Variants in SNTG1 observed in about 807,000 individuals in gnomAD.
SNTG1 encodes the protein gamma-1-syntrophin.
SNTG1 carries 39 observed loss-of-function variants against 74.7 expected under a neutral mutation model. The ratio of observed to expected loss-of-function variants is 0.52; its 90% CI spans 0.40 to 0.68. SNTG1 has a LOEUF of 0.68. Among genes scored for constraint, SNTG1 ranks in the 30% least tolerant of loss-of-function variants. The pLI, the probability that SNTG1 is intolerant of heterozygous loss-of-function variation, is 0.00. For missense variants in SNTG1, 685 were observed against 609.5 expected (o/e 1.12, Z -1.30); for synonymous variants, 254 against 217.1 (o/e 1.17, Z -1.49).
At chr8:50,171,584 A>G (rs968998693) in intron 1 of SNTG1, among the ~76,000 whole-genome samples, 12 of 152,164 alleles carry the variant, frequency 7.9e-5, no homozygotes, top group African/African-American at 2.4e-4. Context: ...AGACACACCC[A>G]GGTTCAATAC....
intron 1 of SNTG1, among the ~76,000 whole-genome samples, chr8:49,983,691 G>T (rs1321339882): frequency 6.6e-6 from 1 of 152,160 alleles, no homozygotes; most frequent in East Asian, 1.9e-4. Flanking sequence ...ACCAACAGAG[G>T]CCCCCAGAGA....
At chr8:50,330,693 T>C (rs952145061) in intron 2 of SNTG1, among the ~76,000 whole-genome samples, 1 of 152,136 alleles carries the variant, frequency 6.6e-6, no homozygotes, top group Non-Finnish European at 1.5e-5. Context: ...TGACTCACAG[T>C]TCCACATGGC....
chr8:50,757,805 T>A (rs2095584190), intron 18 of SNTG1, among the ~76,000 whole-genome samples: 2 of 151,944 alleles, frequency 1.3e-5, no homozygotes, highest in African/African-American at 4.8e-5. Context: ...CTTAACATAA[T>A]TCTATTCTCT....
chr8:50,363,864 G>T (rs573284278), intron 2 of SNTG1, among the ~76,000 whole-genome samples: 62 of 152,158 alleles, frequency 4.1e-4, no homozygotes, highest in Non-Finnish European at 7.1e-4. Flanking sequence ...TCTCTCTAAA[G>T]GTTCACAGGA....
rs187041058 is a variant in SNTG1 at position 50,383,120 on chromosome 8, T to A, written c.-27-11092T>A. 9.2e-4 allele frequency among the ~76,000 whole-genome samples: 140 copies of A among 152,320 alleles called. 2 individuals are homozygous for A. Among genetic ancestry groups the A allele is most frequent in the Non-Finnish European group, 1.3e-3 (89 of 68,028 alleles). On this transcript the variant is annotated intron_variant, in intron 2 of 18. Transcript: ENST00000642720. ...AATTGGGCACCATAACCTATTCAAG[T>A]TGACACATAAAAGTAACCATCACAG...
chr8:50,042,897 A>T (rs1000649559), intron 1 of SNTG1, among the ~76,000 whole-genome samples: 4 of 152,204 alleles, frequency 2.6e-5, no homozygotes, highest in African/African-American at 9.6e-5. Context: ...GCTCGTTGCC[A>T]ATTTTACCAA....
At chr8:50,431,991 T>C (rs1272665537) in intron 4 of SNTG1, among the ~76,000 whole-genome samples, 1 of 152,218 alleles carries the variant, frequency 6.6e-6, no homozygotes, top group Non-Finnish European at 1.5e-5. Flanking sequence ...TTTTATTCTC[T>C]TAGCAGTATC....
intron 8 of SNTG1, among the ~76,000 whole-genome samples, chr8:50,499,452 C>G (rs1388599966): frequency 6.7e-6 from 1 of 149,330 alleles, no homozygotes; most frequent in East Asian, 2.0e-4. Context: ...TTCTAGTGCA[C>G]TTTTTGTAAG....
intron 2 of SNTG1, among the ~76,000 whole-genome samples, chr8:50,211,627 A>G (rs2084524970): frequency 6.6e-6 from 1 of 152,154 alleles, no homozygotes; most frequent in African/African-American, 2.4e-5. Flanking sequence ...CAATTAAAAC[A>G]ATTCTAAGAG....
chr8:50,294,148 C>T (rs932858447), intron 2 of SNTG1, among the ~76,000 whole-genome samples: 1 of 151,310 alleles, frequency 6.6e-6, no homozygotes, highest in Non-Finnish European at 1.5e-5. Flanking sequence ...CAAATAAATA[C>T]ACAGAATAAA....
At chr8:50,115,567 CAAAAA>C (rs11386539) in intron 1 of SNTG1, among the ~76,000 whole-genome samples, 15 of 40,532 alleles carry the variant, frequency 3.7e-4, no homozygotes, top group African/African-American at 1.0e-3. Flanking sequence ...GACTCTGTCT[CAAAAA>C]AAAAAAAAAA....
chr8:50,462,796 CTTTTTTTTTTTTTTTTTTTTTTTTTT>C (rs869119447), intron 8 of SNTG1, among the ~76,000 whole-genome samples: 72 of 57,476 alleles, frequency 1.3e-3, no homozygotes, highest in African/African-American at 4.0e-3. Flanking sequence ...AGGTTCTACT[CTTTTTTTTTTTTTTTTTTTTTTTTTT>C]TTTTTTTTTT....
intron 8 of SNTG1, among the ~76,000 whole-genome samples, chr8:50,471,323 C>A (rs1366508544): frequency 6.6e-6 from 1 of 151,548 alleles, no homozygotes; most frequent in Non-Finnish European, 1.5e-5. Context: ...TGAGCTAATA[C>A]CTTTGCGATA....
intron 2 of SNTG1, among the ~76,000 whole-genome samples, chr8:50,220,134 C>T (rs1295757425): frequency 6.6e-6 from 1 of 152,010 alleles, no homozygotes; most frequent in East Asian, 1.9e-4. Context: ...ATCAAAGCCT[C>T]AAAAAATCCC....
At chr8:50,125,905 T>C (rs2081123621) in intron 1 of SNTG1, among the ~76,000 whole-genome samples, 1 of 152,152 alleles carries the variant, frequency 6.6e-6, no homozygotes, top group South Asian at 2.1e-4. Context: ...TGGAATGCTA[T>C]GTGTAGAGTC....
chr8:50,042,451 C>G (rs955014566), intron 1 of SNTG1, among the ~76,000 whole-genome samples: 1 of 152,150 alleles, frequency 6.6e-6, no homozygotes, highest in African/African-American at 2.4e-5. Flanking sequence ...GTCTCAGCTA[C>G]AGTTGAGACT....
At chr8:50,541,043 C>A (rs1406277150) in intron 11 of SNTG1, among the ~76,000 whole-genome samples, 1 of 151,964 alleles carries the variant, frequency 6.6e-6, no homozygotes, top group Non-Finnish European at 1.5e-5. Flanking sequence ...TTTGATTATA[C>A]ATCTTATTTT....
At chr8:50,556,884 T>A (rs545665055) in intron 12 of SNTG1, among the ~76,000 whole-genome samples, 1 of 152,148 alleles carries the variant, frequency 6.6e-6, no homozygotes, top group Non-Finnish European at 1.5e-5. Context: ...TTTTTAGAAA[T>A]CCAGTACATT....
chr8:50,297,284 A>G (rs972786138), intron 2 of SNTG1, among the ~76,000 whole-genome samples: 3 of 152,156 alleles, frequency 2.0e-5, no homozygotes, highest in South Asian at 2.1e-4. Context: ...CATGCCTGTG[A>G]TACAAGTTAA....
Sources: allele counts gnomAD v4.1 joint callset (sites outside exome capture counted in the v4.1 genomes callset), GRCh38; gene constraint gnomAD v4.1.1; transcripts MANE v1.5; gene names NCBI Gene and HGNC (gene_info 2026-07-23, HGNC 2026-07-21).